The following GLRA1 variants were observed in gnomAD, a reference collection of about 807,000 sequenced individuals.
GLRA1 encodes glycine receptor subunit alpha-1.
GLRA1 carries 37 observed loss-of-function variants against 48.3 expected under a neutral mutation model. That is an observed-to-expected ratio of 0.77 (90% CI 0.59 to 1.01). The LOEUF is 1.01. GLRA1 is among the 50% of genes least tolerant of loss of function. The pLI is 0.00. For missense variants in GLRA1, 427 were observed against 571.0 expected (o/e 0.75, Z 2.57); for synonymous variants, 196 against 210.7 (o/e 0.93, Z 0.60).
At position 151,886,793 on chromosome 5, in the gene GLRA1, C is replaced by T; in HGVS notation, c.185-5G>A. The stretch of plus-strand genomic sequence containing the variant: ...AGCTCACGTTCACTGGGGGACCTGC[C>T]AATCAAGAGAGATTCCTGCTTAGCC... On this transcript the variant is annotated splice_polypyrimidine_tract_variant and splice_region_variant and intron_variant, in intron 2 of 8. Transcript: ENST00000274576. The T allele has an allele frequency of 1.2e-6, 2 of 1,608,968 alleles. No homozygotes were observed. Among genetic ancestry groups the T allele is most frequent in the Non-Finnish European group, 1.7e-6 (2 of 1,175,310 alleles).
At chr5:151,921,348 G>C (rs977898517) in intron 1 of GLRA1, among the ~76,000 whole-genome samples, 4 of 152,316 alleles carry the variant, frequency 2.6e-5, no homozygotes, top group African/African-American at 4.8e-5. Context: ...ATTCTGTACT[G>C]TGGTTTGAAA....
chr5:151,834,794 A>G (rs912769282), intron 7 of GLRA1, among the ~76,000 whole-genome samples: 6 of 151,760 alleles, frequency 4.0e-5, no homozygotes, highest in Non-Finnish European at 8.8e-5. Context: ...TTGGGAGGCC[A>G]AGGTGGGTGG....
chr5:151,834,885 G>A (rs554534251), intron 7 of GLRA1, among the ~76,000 whole-genome samples: 15 of 151,864 alleles, frequency 9.9e-5, no homozygotes, highest in South Asian at 2.1e-4. Flanking sequence ...AAAATTAGCC[G>A]GGCGTGGTGG....
chr5:151,850,753 C>A (rs1415436154), intron 7 of GLRA1: 2 of 1,029,518 alleles, frequency 1.9e-6, no homozygotes, highest in Non-Finnish European at 3.1e-6. Context: ...CACGTGTCTT[C>A]TCAATGAAAC....
intron 3 of GLRA1, among the ~76,000 whole-genome samples, chr5:151,862,888 T>A (rs1259422440): frequency 6.6e-6 from 1 of 152,140 alleles, no homozygotes; most frequent in Admixed American, 6.5e-5. Flanking sequence ...CCAGGGAGAA[T>A]TGAGACTGGC....
intron 3 of GLRA1, among the ~76,000 whole-genome samples, chr5:151,861,503 C>T (rs1033838157): frequency 3.9e-5 from 6 of 152,122 alleles, no homozygotes; most frequent in African/African-American, 1.4e-4. Context: ...TTTCATGTGT[C>T]TGTTGGCTGC....
chr5:151,909,095 A>G (rs1433524038), intron 1 of GLRA1, among the ~76,000 whole-genome samples: 1 of 152,212 alleles, frequency 6.6e-6, no homozygotes, highest in Non-Finnish European at 1.5e-5. Flanking sequence ...TCTGGCATAT[A>G]GTAGGTTCTA....
At position 151,822,718 on chromosome 5, in the gene GLRA1, C is replaced by T; in HGVS notation, c.1305G>A (p.Trp435Ter). The T allele has an allele frequency of 1.9e-6, 3 of 1,613,826 alleles. No individual in the cohort carries two copies. The highest frequency in any genetic ancestry group is 2.5e-6 in the Non-Finnish European group (3 of 1,179,786). ...CTCTACGGACAATCTTGTAGATGAT[C>T]CAGTAGAACATGTTGAAAATGAGGA... is the stretch of plus-strand genomic sequence containing the variant. ...MAFLIFNMFY[W>*]IIYKIVRRED... Residue 435 changes from tryptophan (W) to a stop codon, truncating the protein, a stop_gained, in exon 9 of 9, where the codon TGG (tryptophan) becomes TGA (stop). Coordinates refer to ENST00000274576, the MANE Select transcript of GLRA1 (RefSeq NM_000171.4). LOFTEE classifies it high-confidence loss of function.
chr5:151,896,279 C>G (rs1234199745), intron 1 of GLRA1, among the ~76,000 whole-genome samples: 1 of 152,140 alleles, frequency 6.6e-6, no homozygotes, highest in African/African-American at 2.4e-5. Flanking sequence ...GAATGAAGAC[C>G]CCAGGGGGTC....
chr5:151,907,919 C>A (rs1290775420), intron 1 of GLRA1, among the ~76,000 whole-genome samples: 1 of 152,192 alleles, frequency 6.6e-6, no homozygotes, highest in Non-Finnish European at 1.5e-5. Context: ...GTTGTGGCTC[C>A]CTTGGGCACA....
At chr5:151,920,785 G>A (rs1270335135) in intron 1 of GLRA1, among the ~76,000 whole-genome samples, 5 of 152,268 alleles carry the variant, frequency 3.3e-5, no homozygotes, top group East Asian at 3.9e-4. Context: ...GGCACGTTCT[G>A]CAGTGCCAAA....
At chr5:151,829,501 C>T (rs1354408670) in intron 7 of GLRA1, among the ~76,000 whole-genome samples, 1 of 152,132 alleles carries the variant, frequency 6.6e-6, no homozygotes, top group African/African-American at 2.4e-5. Context: ...TTTCAGAACT[C>T]CACTAATTAC....
chr5:151,826,373 G>A (rs1317238662), intron 8 of GLRA1, among the ~76,000 whole-genome samples: 1 of 152,198 alleles, frequency 6.6e-6, no homozygotes, highest in African/African-American at 2.4e-5. Flanking sequence ...GCCATGGGAT[G>A]AGGCTTAGTT....
At chr5:151,895,937 C>T (rs1378871367) in intron 1 of GLRA1, among the ~76,000 whole-genome samples, 9 of 152,186 alleles carry the variant, frequency 5.9e-5, no homozygotes, top group Non-Finnish European at 1.2e-4. Context: ...TTCATAAGCT[C>T]CCGTACTCTC....
intron 1 of GLRA1, among the ~76,000 whole-genome samples, chr5:151,901,924 T>C (rs1453303733): frequency 6.6e-6 from 1 of 152,214 alleles, no homozygotes; most frequent in Non-Finnish European, 1.5e-5. Context: ...GGTAGCCCCA[T>C]GAGACAACTG....
In GLRA1 at chr5:151,870,913, G is replaced by C. The variant is rs888495583; in HGVS notation, c.253-10905C>G. Among the ~76,000 whole-genome samples the C allele has an allele frequency of 9.3e-5, 14 of 149,934 alleles. 2 individuals are homozygous for C. The highest frequency in any genetic ancestry group is 3.6e-4 in the African/African-American group (14 of 39,296). Reference sequence around the variant, plus strand: ...TATTATTACAATAGAAAGTCTTACTGTAAATTGGAACAATTTGGCAGTTTG... The same window carrying C: ...TATTATTACAATAGAAAGTCTTACTCTAAATTGGAACAATTTGGCAGTTTG... On this transcript the variant is annotated intron_variant, in intron 3 of 8. Coordinates refer to ENST00000274576, the MANE Select transcript of GLRA1 (RefSeq NM_000171.4).
intron 8 of GLRA1, among the ~76,000 whole-genome samples, chr5:151,827,353 C>T (rs543452599): frequency 1.8e-4 from 27 of 152,180 alleles, no homozygotes; most frequent in Non-Finnish European, 2.6e-4. Flanking sequence ...TGTATTGGAA[C>T]GTCGGCCTCC....
rs539304543 is a variant in GLRA1, at chr5:151,874,238, G to A, written c.252+12483C>T. ...ACCATCAGGGTGCTCTCCTCAGTGC[G>A]CTGAGTTCCACCTTGAGATGAAAGA... On this transcript the variant is annotated intron_variant, in intron 3 of 8. Transcript: ENST00000274576. Among the ~76,000 whole-genome samples, 15 of 152,238 alleles carry A rather than the reference G, an allele frequency of 9.9e-5. No homozygotes were observed. In the South Asian group the frequency reaches 2.7e-3, roughly 27 times the overall value.
At chr5:151,921,549 A>T (rs1754874453) in intron 1 of GLRA1, among the ~76,000 whole-genome samples, 1 of 152,218 alleles carries the variant, frequency 6.6e-6, no homozygotes. Context: ...GCAGAGCTGG[A>T]GAAACATGTG....
Sources: gnomAD v4.1 joint callset for allele counts (sites outside exome capture counted in the v4.1 genomes callset) on GRCh38, gnomAD v4.1.1 for gene constraint, MANE v1.5 for transcripts, NCBI Gene and HGNC (gene_info 2026-07-23, HGNC 2026-07-21) for gene names.